ACAD10: variants seen among roughly 807,000 people sequenced by gnomAD.
The protein encoded by ACAD10 is ACAD-10.
Under a neutral mutation model 116.8 loss-of-function variants are expected in ACAD10, and 112 were observed. The ratio of observed to expected loss-of-function variants is 0.96; its 90% CI spans 0.82 to 1.12. The LOEUF (loss-of-function observed/expected upper bound fraction) is 1.12, where lower values mean the gene tolerates loss of function less well. Among genes scored for constraint, ACAD10 ranks in the 50% most tolerant of loss-of-function variants. The pLI is 0.00. For synonymous variants in ACAD10, 486 were observed against 510.6 expected (o/e 0.95, Z 0.65); for missense variants, 1,259 against 1,350.2 (o/e 0.93, Z 1.06).
intron 2 of ACAD10, among the ~76,000 whole-genome samples, chr12:111,701,682 G>C (rs1325343151): frequency 1.3e-5 from 2 of 152,088 alleles, no homozygotes; most frequent in Admixed American, 6.6e-5. Context: ...GAAGAAATTT[G>C]CTTCCTTATC....
intron 19 of ACAD10, among the ~76,000 whole-genome samples, chr12:111,754,494 A>C (rs1890154903): frequency 6.6e-6 from 1 of 152,108 alleles, no homozygotes; most frequent in East Asian, 1.9e-4. Context: ...CATGTTGCCC[A>C]GGCTAACTAA....
chr12:111,740,530 C>T (rs1354246767), intron 12 of ACAD10, among the ~76,000 whole-genome samples: 1 of 146,066 alleles, frequency 6.8e-6, no homozygotes, highest in Admixed American at 6.9e-5. Context: ...GAGGCCGAGG[C>T]GGGGGGATCA....
In ACAD10 at chr12:111,721,753, G is replaced by A. The variant is rs373732737; in HGVS notation, c.1061+14G>A. 1.3e-6 allele frequency: 2 copies of A among 1,583,208 alleles called. No homozygotes were observed. The highest frequency in any genetic ancestry group is 2.7e-5 in the African/African-American group (2 of 74,406). ...TGAAGATTCAAGGTAAAGTTCAGATGTTTTTGCTATTGCACTTTCAAGCTA... is the reference window on the plus strand; with the variant it reads ...TGAAGATTCAAGGTAAAGTTCAGATATTTTTGCTATTGCACTTTCAAGCTA... On this transcript the variant is annotated intron_variant, in intron 8 of 20. Coordinates refer to ENST00000313698, the MANE Select transcript of ACAD10 (RefSeq NM_025247.6).
chr12:111,747,315 C>T lies in ACAD10; in HGVS notation c.2415C>T (p.Thr805=). ...CTCAGGTTGCCTCTTCAGATGCCACCAACATTGAGGCTTCCATCAGAGAGG... is the reference window on the plus strand; with the variant it reads ...CTCAGGTTGCCTCTTCAGATGCCACTAACATTGAGGCTTCCATCAGAGAGG... The part of the protein sequence containing the change: ...TEPQVASSDA[T]NIEASIREED... The change falls in exon 16 of 21, where the codon ACC becomes ACT. Residue 805 remains threonine, a synonymous_variant. Transcript: ENST00000313698. The T allele has an allele frequency of 6.2e-7, 1 of 1,614,150 alleles. No homozygotes were observed. Among genetic ancestry groups the T allele is most frequent in the South Asian group, 1.1e-5 (1 of 91,082 alleles).
chr12:111,698,419 T>TA (rs1269779757), intron 2 of ACAD10, among the ~76,000 whole-genome samples: 1 of 140,362 alleles, frequency 7.1e-6, no homozygotes, highest in Non-Finnish European at 1.5e-5. Context: ...TTTTTTTTTT[T>TA]AATATTATTG....
At chr12:111,732,316 A>G (rs1889410563) in intron 10 of ACAD10, among the ~76,000 whole-genome samples, 1 of 152,234 alleles carries the variant, frequency 6.6e-6, no homozygotes, top group Non-Finnish European at 1.5e-5. Context: ...TACATAAGTC[A>G]TAAGTCTCAA....
At position 111,692,889 on chromosome 12, in the gene ACAD10, C is replaced by A; in HGVS notation, c.180C>A (p.Val60=). 6.2e-7 allele frequency: 1 copy of A among 1,613,764 alleles called. No individual in the cohort carries two copies. Among genetic ancestry groups the A allele is most frequent in the South Asian group, 1.1e-5 (1 of 91,054 alleles). ...TTCTCATTCCTTCTCCAGGGAGAGT[C>A]GCTGCAGGTGAGCTATTGATTCTGT... ...GGVLIPSPGR[V]AAEWEVQNRI... is the part of the protein sequence containing the mutation. Residue 60 remains valine (V), a synonymous_variant, in exon 2 of 21, where the codon GTC becomes GTA. Coordinates refer to ENST00000313698, the MANE Select transcript of ACAD10 (RefSeq NM_025247.6).
chr12:111,719,713 C>A (rs187441059), intron 7 of ACAD10, among the ~76,000 whole-genome samples: 2 of 151,762 alleles, frequency 1.3e-5, no homozygotes, highest in East Asian at 3.9e-4. Flanking sequence ...GCACCATGCC[C>A]GGCTAATTTT....
At chr12:111,739,584 C>T (rs1293182038) in intron 12 of ACAD10, among the ~76,000 whole-genome samples, 1 of 152,142 alleles carries the variant, frequency 6.6e-6, no homozygotes, top group Non-Finnish European at 1.5e-5. Flanking sequence ...TGGGGAAACC[C>T]TGTCTCTACT....
intron 15 of ACAD10, 29 bp from the exon 16 acceptor site, chr12:111,747,266 T>G (rs1480318021): frequency 6.2e-7 from 1 of 1,613,722 alleles, no homozygotes; most frequent in Non-Finnish European, 8.5e-7. Flanking sequence ...TCTGCTGGCG[T>G]CTCTGACTGG....
chr12:111,748,712 A>G (rs1450337651), intron 17 of ACAD10: 4 of 594,704 alleles, frequency 6.7e-6, no homozygotes, highest in Non-Finnish European at 1.2e-5. Flanking sequence ...AGTAATCAGG[A>G]GTCTGTGACA....
At chr12:111,723,453 T>A (rs1889099964) in intron 8 of ACAD10, among the ~76,000 whole-genome samples, 1 of 128,088 alleles carries the variant, frequency 7.8e-6, no homozygotes, top group African/African-American at 3.0e-5. Context: ...ACGGGGCAGC[T>A]GGCCGGGCGG....
intron 7 of ACAD10, among the ~76,000 whole-genome samples, chr12:111,716,745 A>G (rs1351440288): frequency 1.3e-5 from 2 of 151,958 alleles, no homozygotes; most frequent in South Asian, 2.1e-4. Context: ...AGTTCCATCT[A>G]CTCAGGAGGC....
chr12:111,749,272 G>A lies in ACAD10; in HGVS notation c.2744G>A (p.Gly915Asp), dbSNP rs969931327. 1 of 1,614,076 alleles carries A rather than the reference G, an allele frequency of 6.2e-7. No individual in the cohort carries two copies. Among genetic ancestry groups the A allele is most frequent in the East Asian group, 2.2e-5 (1 of 44,884 alleles). Reference sequence around the variant, plus strand: ...TTTGAGATCGCCCAGGGCAGACTGGGCCCCGGCAGGATCCATCACTGCATG... The same window carrying A: ...TTTGAGATCGCCCAGGGCAGACTGGACCCCGGCAGGATCCATCACTGCATG... The part of the protein sequence containing the change: ...RGFEIAQGRL[G>D]PGRIHHCMRL... Residue 915 changes from glycine (G) to aspartate (D), a missense_variant, in exon 18 of 21, where the codon GGC (glycine) becomes GAC (aspartate). Transcript: ENST00000313698.
intron 11 of ACAD10, among the ~76,000 whole-genome samples, chr12:111,735,051 G>A (rs539744005): frequency 1.3e-5 from 2 of 151,976 alleles, no homozygotes; most frequent in African/African-American, 2.4e-5. Context: ...GTGAAACCCC[G>A]TCTCTACTAA....
intron 2 of ACAD10, among the ~76,000 whole-genome samples, chr12:111,694,679 C>A (rs891214742): frequency 2.0e-5 from 3 of 152,212 alleles, no homozygotes; most frequent in Non-Finnish European, 4.4e-5. Flanking sequence ...CTGCCTCTGG[C>A]TCTCTGGATT....
rs752253650 is a variant in ACAD10 at position 111,728,071 on chromosome 12, A to G, written c.1171A>G (p.Met391Val). The change falls in exon 9 of 21, where the codon ATG becomes GTG. Residue 391 changes from methionine to valine, a missense_variant. Coordinates refer to ENST00000313698, the MANE Select transcript of ACAD10 (RefSeq NM_025247.6). ...CCACAGACGAGCCATATACACTGCC[A>G]TGAACACAGTCCTGTGCAAAATTCA... ...PSHRRAIYTAMNTVLCKIHSV... is the reference protein window; with the variant it reads ...PSHRRAIYTAVNTVLCKIHSV... 4 of 1,614,160 alleles carry G rather than the reference A, an allele frequency of 2.5e-6. No homozygotes were observed. Among genetic ancestry groups the G allele is most frequent in the Non-Finnish European group, 1.7e-6 (2 of 1,180,014 alleles).
intron 2 of ACAD10, among the ~76,000 whole-genome samples, chr12:111,693,815 C>A (rs1888119968): frequency 6.6e-6 from 1 of 152,104 alleles, no homozygotes; most frequent in Admixed American, 6.6e-5. Flanking sequence ...GAAAACCTAA[C>A]AAAACAGTGA....
Position 111,736,813 on chromosome 12 carries a change from G to A in ACAD10, c.1541-18G>A. The A allele has an allele frequency of 1.9e-6, 3 of 1,607,518 alleles. No individual in the cohort carries two copies. Among genetic ancestry groups the A allele is most frequent in the South Asian group, 1.1e-5 (1 of 90,248 alleles). On this transcript the variant is annotated intron_variant, in intron 11 of 20. Transcript: ENST00000313698. Reference sequence around the variant, plus strand: ...TCACGTCAGTGACTACCCATGAATGGCTCTGTCTTTCTCGCAGGTATTAAT... The same window carrying A: ...TCACGTCAGTGACTACCCATGAATGACTCTGTCTTTCTCGCAGGTATTAAT...
Sources: gnomAD v4.1 joint callset for allele counts (sites outside exome capture counted in the v4.1 genomes callset) on GRCh38, gnomAD v4.1.1 for gene constraint, MANE v1.5 for transcripts, NCBI Gene and HGNC (gene_info 2026-07-23, HGNC 2026-07-21) for gene names.